The following BNC2 variants were observed in gnomAD, a reference collection of about 807,000 sequenced individuals.
The protein encoded by BNC2 is basonuclin zinc finger protein 2.
BNC2 carries 20 observed loss-of-function variants against 76.3 expected under a neutral mutation model. That is an observed-to-expected ratio of 0.26 (90% CI 0.18 to 0.38). BNC2 has a LOEUF of 0.38. Ranked by LOEUF, BNC2 falls within the 10% of genes least tolerant of loss-of-function variation. BNC2 has a pLI of 1.00. For synonymous variants in BNC2, 582 were observed against 514.8 expected, an observed-to-expected ratio of 1.13 and a Z score of -1.77; for missense variants, 1,382 against 1,399.8, an observed-to-expected ratio of 0.99 and a Z score of 0.20.
At chr9:16,709,977 A>G (rs2134706164) in intron 3 of BNC2, among the ~76,000 whole-genome samples, 1 of 152,340 alleles carries the variant, frequency 6.6e-6, no homozygotes, top group East Asian at 1.9e-4. Flanking sequence ...GACTACACAC[A>G]GTATTCTAAA....
At chr9:16,626,033 A>C (rs1358078102) in intron 3 of BNC2, 1 of 152,306 alleles carries the variant, frequency 6.6e-6, no homozygotes, top group East Asian at 1.9e-4. Context: ...CTTCTAATGG[A>C]TGAGGAGCTA....
At chr9:16,695,675 G>A (rs938784716) in intron 3 of BNC2, among the ~76,000 whole-genome samples, 5 of 151,708 alleles carry the variant, frequency 3.3e-5, no homozygotes, top group African/African-American at 9.7e-5. Flanking sequence ...TCATGTGGCC[G>A]CATTTTCTCT....
chr9:16,553,910 A>AG (rs541569110), intron 4 of BNC2, among the ~76,000 whole-genome samples: 7 of 152,322 alleles, frequency 4.6e-5, no homozygotes, highest in Admixed American at 4.6e-4. Context: ...GAGGCACTCT[A>AG]AACTCCTTAA....
chr9:16,491,113 A>G (rs542439581), intron 5 of BNC2, among the ~76,000 whole-genome samples: 1 of 152,300 alleles, frequency 6.6e-6, no homozygotes, highest in Admixed American at 6.5e-5. Context: ...TGATACCTGA[A>G]ATGAGGATGG....
intron 1 of BNC2, among the ~76,000 whole-genome samples, chr9:16,776,201 A>AC: frequency 7.6e-6 from 1 of 132,136 alleles, no homozygotes; most frequent in South Asian, 2.7e-4. Context: ...GTGCAATGGA[A>AC]CCATCTCGGG....
intron 5 of BNC2, among the ~76,000 whole-genome samples, chr9:16,518,000 G>A (rs1282824461): frequency 1.3e-5 from 2 of 152,150 alleles, no homozygotes; most frequent in Non-Finnish European, 1.5e-5. Context: ...AACACAGACT[G>A]GTTATTGGGC....
chr9:16,801,518 G>C (rs1434601304), intron 1 of BNC2, among the ~76,000 whole-genome samples: 2 of 151,832 alleles, frequency 1.3e-5, no homozygotes, highest in African/African-American at 2.4e-5. Context: ...TTACAGGCGT[G>C]AGCCACCGTG....
At chr9:16,441,648 C>T (rs1357490551) in intron 5 of BNC2, among the ~76,000 whole-genome samples, 2 of 152,170 alleles carry the variant, frequency 1.3e-5, no homozygotes, top group Non-Finnish European at 2.9e-5. Context: ...GGACCAATGT[C>T]AGTTGGATGG....
intron 1 of BNC2, among the ~76,000 whole-genome samples, chr9:16,836,201 C>T (rs1818702525): frequency 6.6e-6 from 1 of 152,152 alleles, no homozygotes; most frequent in Admixed American, 6.5e-5. Context: ...GCTTCCTCCT[C>T]TTCATAATTT....
At chr9:16,701,040 G>C (rs1275091226) in intron 3 of BNC2, among the ~76,000 whole-genome samples, 1 of 152,082 alleles carries the variant, frequency 6.6e-6, no homozygotes, top group Non-Finnish European at 1.5e-5. Context: ...GTCCCAGATG[G>C]GGAAACTGAA....
intron 1 of BNC2, among the ~76,000 whole-genome samples, chr9:16,742,888 C>T (rs929118548): frequency 6.6e-6 from 1 of 152,142 alleles, no homozygotes; most frequent in Non-Finnish European, 1.5e-5. Flanking sequence ...GCTACTATTT[C>T]ACTGGAAATT....
intron 1 of BNC2, among the ~76,000 whole-genome samples, chr9:16,809,156 T>C (rs962077768): frequency 2.0e-5 from 3 of 152,154 alleles, no homozygotes; most frequent in African/African-American, 7.2e-5. Flanking sequence ...AAGTGCCCTT[T>C]GTCAGAACAA....
At chr9:16,843,197 A>C (rs1326436230) in intron 1 of BNC2, among the ~76,000 whole-genome samples, 2 of 152,216 alleles carry the variant, frequency 1.3e-5, no homozygotes, top group Non-Finnish European at 2.9e-5. Context: ...TCAGTAGCAG[A>C]ATCAGTATTC....
intron 1 of BNC2, chr9:16,832,291 G>A: frequency 7.8e-7 from 1 of 1,282,064 alleles, no homozygotes; most frequent in Non-Finnish European, 1.0e-6. Flanking sequence ...TCAGTCATGT[G>A]TCATGTTATC....
At chr9:16,610,522 A>G (rs188437798) in intron 3 of BNC2, among the ~76,000 whole-genome samples, 1 of 152,314 alleles carries the variant, frequency 6.6e-6, no homozygotes, top group South Asian at 2.1e-4. Context: ...CTATGAATTG[A>G]AACAGAGATA....
chr9:16,628,332 T>C (rs1367556698), intron 3 of BNC2, among the ~76,000 whole-genome samples: 3 of 152,150 alleles, frequency 2.0e-5, no homozygotes, highest in African/African-American at 7.2e-5. Flanking sequence ...CCATCTTGTT[T>C]AGAGAAAGTT....
At chr9:16,696,085 T>C (rs1034596957) in intron 3 of BNC2, among the ~76,000 whole-genome samples, 3 of 152,200 alleles carry the variant, frequency 2.0e-5, no homozygotes, top group Non-Finnish European at 4.4e-5. Flanking sequence ...AGAATAATTC[T>C]AACAAGTACA....
intron 6 of BNC2, chr9:16,429,525 T>C (rs1820865418): frequency 6.4e-6 from 1 of 155,564 alleles, no homozygotes. Flanking sequence ...GGTCTCTTCA[T>C]GAAAAATACC....
At chr9:16,661,526 C>T (rs1383759893) in intron 3 of BNC2, among the ~76,000 whole-genome samples, 2 of 152,074 alleles carry the variant, frequency 1.3e-5, no homozygotes, top group Non-Finnish European at 1.5e-5. Context: ...TCATAATTTC[C>T]GAGGCCATTA....
Sources: allele counts gnomAD v4.1 joint callset (sites outside exome capture counted in the v4.1 genomes callset), GRCh38; gene constraint gnomAD v4.1.1; transcripts MANE v1.5; gene names NCBI Gene and HGNC (gene_info 2026-07-23, HGNC 2026-07-21).